Variants in MIDEAS observed in about 807,000 individuals in gnomAD.
The protein encoded by MIDEAS is mitotic deacetylase-associated SANT domain protein.
MIDEAS carries 26 observed loss-of-function variants against 102.7 expected under a neutral mutation model. The observed-to-expected ratio is 0.25, with a 90% confidence interval of 0.19 to 0.35. The LOEUF (loss-of-function observed/expected upper bound fraction) is 0.35, where lower values mean the gene tolerates loss of function less well. MIDEAS is among the 10% of genes least tolerant of loss of function. The probability of loss-of-function intolerance (pLI) is 1.00; values close to 1 mark genes in which losing one functional copy is unlikely to be tolerated. For missense variants in MIDEAS, 1,231 were observed against 1,435.6 expected (o/e 0.86, Z 2.30); for synonymous variants, 585 against 591.0 (o/e 0.99, Z 0.15).
chr14:73,720,236 CT>C (rs33980532), intron 11 of MIDEAS, among the ~76,000 whole-genome samples: 14,649 of 116,544 alleles, frequency 0.13, 764 homozygotes, highest in East Asian at 0.56. Flanking sequence ...ACACACATTC[CT>C]TTTTTTTTTT....
chr14:73,750,008 C>T lies in MIDEAS; in HGVS notation c.-247-9753G>A, dbSNP rs74736252. Among the ~76,000 whole-genome samples the T allele has an allele frequency of 2.7e-3, 415 of 152,304 alleles. 6 individuals carry two copies. Among genetic ancestry groups the T allele is most frequent in the African/African-American group, 9.6e-3 (399 of 41,554 alleles). On this transcript the variant is annotated intron_variant, in intron 1 of 12. Transcript: ENST00000423556. Reference sequence around the variant, plus strand: ...GGGATTGCAACAGCTTGTCAGGCAGCCCTGCTTTTCCCTAGGAAAAATGGC... The same window carrying T: ...GGGATTGCAACAGCTTGTCAGGCAGTCCTGCTTTTCCCTAGGAAAAATGGC...
chr14:73,787,216 G>A (rs1340917647), exon 1 of MIDEAS: 1 of 149,198 alleles, frequency 6.7e-6, no homozygotes, highest in East Asian at 1.9e-4. Flanking sequence ...CTCGCGGAGC[G>A]GGCGGTGCGG....
At chr14:73,786,678 C>A (rs1304908391) in intron 1 of MIDEAS, among the ~76,000 whole-genome samples, 2 of 152,256 alleles carry the variant, frequency 1.3e-5, no homozygotes, top group East Asian at 3.8e-4. Flanking sequence ...CTTTAACTTC[C>A]TTCCTGCGCC....
rs920525365 is a variant in MIDEAS, at chr14:73,759,261, C to T, written c.-248+502G>A. ...GTGCACGCTGGCAGGGGAAGGGGCTCCCGCGCCAAGTTCCCTCAGCTGGCT... is the reference window on the plus strand; with the variant it reads ...GTGCACGCTGGCAGGGGAAGGGGCTTCCGCGCCAAGTTCCCTCAGCTGGCT... On this transcript the variant is annotated intron_variant, in intron 1 of 12. Coordinates refer to ENST00000423556, the MANE Select transcript of MIDEAS (RefSeq NM_001367710.1). The surrounding 1 kb of genome is among the most constrained non-coding windows in gnomAD (Gnocchi z 6.7). Among the ~76,000 whole-genome samples, 3 of 152,168 alleles carry T rather than the reference C, an allele frequency of 2.0e-5. No individual in the cohort carries two copies. The highest frequency in any genetic ancestry group is 2.9e-5 in the Non-Finnish European group (2 of 68,006).
chr14:73,764,233 G>A (rs1483500302), upstream of MIDEAS, among the ~76,000 whole-genome samples: 1 of 151,454 alleles, frequency 6.6e-6, no homozygotes, highest in Non-Finnish European at 1.5e-5. Flanking sequence ...CCAGCTACTC[G>A]GGAGGCTGAG....
upstream of MIDEAS, among the ~76,000 whole-genome samples, chr14:73,760,479 C>T (rs1398130472): frequency 1.3e-5 from 2 of 152,340 alleles, no homozygotes; most frequent in East Asian, 1.9e-4. The surrounding 1 kb of genome is among the most constrained non-coding windows in gnomAD (Gnocchi z 4.8). Context: ...CAGGCTGGCG[C>T]CCCCGATGGC....
At position 73,742,207 on chromosome 14, in the gene MIDEAS, A is replaced by G. The variant is rs28584475; in HGVS notation, c.-247-1952T>C. ...AGGAAGAATGTGCGCCAGCCTGGCA[A>G]GCCCACGTGCCTCCAGGGGGCTGCG... On this transcript the variant is annotated intron_variant, in intron 1 of 12. Coordinates refer to ENST00000423556, the MANE Select transcript of MIDEAS (RefSeq NM_001367710.1). The surrounding 1 kb of genome is among the most constrained non-coding windows in gnomAD (Gnocchi z 4.4). Among the ~76,000 whole-genome samples the G allele has an allele frequency of 0.34, 52,059 of 152,188 alleles. 10,116 individuals are homozygous for G. Among genetic ancestry groups the G allele is most frequent in the African/African-American group, 0.53 (22,024 of 41,516 alleles).
Position 73,740,174 on chromosome 14 carries a change from C to A in MIDEAS, c.-166G>T. 1.3e-6 allele frequency: 1 copy of A among 779,704 alleles called. No individual in the cohort carries two copies. Among genetic ancestry groups the A allele is most frequent in the Non-Finnish European group, 1.8e-6 (1 of 564,244 alleles). 48.3% of individuals were successfully genotyped at this position (779,704 alleles called of 1,614,324 possible). Reference sequence around the variant, plus strand: ...GGTCGGACACTGGGAGAAAGAACTGCTGGCTCTTCCTTTCTCTTCCAGAGA... The same window carrying A: ...GGTCGGACACTGGGAGAAAGAACTGATGGCTCTTCCTTTCTCTTCCAGAGA... On this transcript the variant is annotated 5_prime_UTR_variant, in exon 2 of 13. Transcript: ENST00000423556.
chr14:73,730,618 A>C (rs1054530038), intron 3 of MIDEAS, among the ~76,000 whole-genome samples: 2 of 152,160 alleles, frequency 1.3e-5, no homozygotes, highest in African/African-American at 4.8e-5. Context: ...GCTCTGCGTT[A>C]GATGAAAGCT....
intron 4 of MIDEAS, chr14:73,728,785 T>C (rs1376962105): frequency 6.6e-6 from 1 of 152,274 alleles, no homozygotes; most frequent in Non-Finnish European, 1.5e-5. Context: ...GACTGACCTC[T>C]CGCTGGCTGC....
At chr14:73,734,692 A>G (rs1449393887) in intron 3 of MIDEAS, among the ~76,000 whole-genome samples, 1 of 152,128 alleles carries the variant, frequency 6.6e-6, no homozygotes, top group African/African-American at 2.4e-5. Context: ...TGGCCCCCCC[A>G]AAGTGCTGTG....
At chr14:73,750,571 C>G (rs188943356) in intron 1 of MIDEAS, among the ~76,000 whole-genome samples, 20 of 152,344 alleles carry the variant, frequency 1.3e-4, no homozygotes, top group African/African-American at 4.6e-4. Flanking sequence ...GCTGCAGGCT[C>G]AGCACCATCT....
In MIDEAS at chr14:73,722,714, A is replaced by C. The variant is rs781557629; in HGVS notation, c.2708T>G (p.Val903Gly). Residue 903 changes from valine (V) to glycine (G), a missense_variant, in exon 10 of 13, where the codon GTT becomes GGT. Around this residue, in one of 5 missense-constraint regions of MIDEAS, gnomAD observed 391 missense variants for 483.0 expected, o/e 0.81. Coordinates refer to ENST00000423556, the MANE Select transcript of MIDEAS (RefSeq NM_001367710.1). ...TSDEKSAQEE[V>G]EVDIKTSQKF... ...AGGAGTCACCTTAATATCCACTTCA[A>C]CCTCTTCCTGGGCCGACTTCTCATC... is the stretch of plus-strand genomic sequence containing the variant. 2.1e-5 allele frequency: 34 copies of C among 1,613,444 alleles called. No homozygotes were observed. Among genetic ancestry groups the C allele is most frequent in the Non-Finnish European group, 2.8e-5 (33 of 1,179,818 alleles).
intron 1 of MIDEAS, among the ~76,000 whole-genome samples, chr14:73,751,268 C>T (rs551256853): frequency 3.9e-5 from 6 of 152,334 alleles, no homozygotes; most frequent in African/African-American, 9.6e-5. Context: ...GGCACCTAGG[C>T]CTGCCTGTTC....
At chr14:73,743,631 C>T (rs2053310902) in intron 1 of MIDEAS, among the ~76,000 whole-genome samples, 1 of 152,118 alleles carries the variant, frequency 6.6e-6, no homozygotes, top group African/African-American at 2.4e-5. Flanking sequence ...ATCAAACTGC[C>T]CTTCCTCACA....
rs769050120 is a variant in MIDEAS, at chr14:73,738,727, T to C, written c.1282A>G (p.Met428Val). ...PNGREREAPA[M>V]GSEEGMRAVS... ...GCCCTCATGCCCTCCTCGCTGCCCA[T>C]GGCAGGAGCCTCTCGCTCCCGGCCA... The change falls in exon 2 of 13, where the codon ATG (methionine) becomes GTG (valine). Residue 428 changes from methionine (M) to valine (V), a missense_variant. Physicochemically the swap from Met to Val is conservative, Grantham distance 21. This residue lies in a region of MIDEAS where 758 missense variants were observed against 856.0 expected (regional missense o/e 0.89). Transcript: ENST00000423556. 4 of 1,612,944 alleles carry C rather than the reference T, an allele frequency of 2.5e-6. No homozygotes were observed. In the Admixed American group the frequency reaches 6.7e-5, roughly 27 times the overall value.
intron 1 of MIDEAS, among the ~76,000 whole-genome samples, chr14:73,772,642 G>A (rs763787854): frequency 5.3e-5 from 8 of 151,512 alleles, no homozygotes; most frequent in Non-Finnish European, 1.5e-5. Context: ...TTGGTGTGCA[G>A]GAAGGTATGA....
chr14:73,725,865 G>A lies in MIDEAS; in HGVS notation c.2485+168C>T, dbSNP rs1204550744. Among the ~76,000 whole-genome samples the A allele has an allele frequency of 2.0e-5, 3 of 152,056 alleles. No homozygotes were observed. The highest frequency in any genetic ancestry group is 4.4e-5 in the Non-Finnish European group (3 of 68,008). On this transcript the variant is annotated intron_variant, in intron 8 of 12. Transcript: ENST00000423556. This position sits in a 1 kb window ranked among gnomAD's most constrained non-coding sequence, Gnocchi z 4.1. ...CCCCTCCAGGGCACAGGAAACCCCT[G>A]GAGAGCTACCCCAGCTTTGGTGGCA...
chr14:73,762,768 C>G (rs1481042850), upstream of MIDEAS, among the ~76,000 whole-genome samples: 1 of 152,166 alleles, frequency 6.6e-6, no homozygotes, highest in Non-Finnish European at 1.5e-5. Context: ...TTCCAGAGAC[C>G]TTATCCACAG....
Sources: allele counts gnomAD v4.1 joint callset (sites outside exome capture counted in the v4.1 genomes callset), GRCh38; gene constraint gnomAD v4.1.1; regional missense constraint gnomAD v4.1.1; non-coding constraint Gnocchi (gnomAD v3.1); transcripts MANE v1.5; gene names NCBI Gene and HGNC (gene_info 2026-07-23, HGNC 2026-07-21).